The following MNS1 variants were observed in gnomAD, a reference collection of about 807,000 sequenced individuals.
The protein encoded by MNS1 is meiosis specific nuclear structural 1, also known as meiosis-specific nuclear structural protein 1.
MNS1 carries 63 observed loss-of-function variants against 72.0 expected under a neutral mutation model. That is an observed-to-expected ratio of 0.87 (90% CI 0.71 to 1.08). MNS1 has a LOEUF of 1.08. Among genes scored for constraint, MNS1 ranks in the 50% least tolerant of loss-of-function variants. The pLI is 0.00. For missense variants in MNS1, 604 were observed against 562.4 expected, an observed-to-expected ratio of 1.07 and a Z score of -0.75; for synonymous variants, 188 against 172.1, an observed-to-expected ratio of 1.09 and a Z score of -0.72.
intron 7 of MNS1, among the ~76,000 whole-genome samples, chr15:56,442,435 A>G (rs749619284): frequency 8.6e-4 from 131 of 152,348 alleles, no homozygotes; most frequent in Non-Finnish European, 1.4e-3. Flanking sequence ...TGACACATGC[A>G]TGTGTGTATT....
chr15:56,456,344 G>A (rs779857786), intron 3 of MNS1, 50 bp downstream of exon 3: 3 of 1,535,680 alleles, frequency 2.0e-6, no homozygotes. Context: ...GATTACATAA[G>A]AGTTTAAAGA....
intron 2 of MNS1, among the ~76,000 whole-genome samples, chr15:56,463,606 A>AC (rs2051036738): frequency 6.6e-6 from 1 of 151,968 alleles, no homozygotes; most frequent in Non-Finnish European, 1.5e-5. Flanking sequence ...ATATGGTGAA[A>AC]CCCCGTCTCT....
intron 1 of MNS1, among the ~76,000 whole-genome samples, chr15:56,464,662 TA>T (rs1209720149): frequency 3.9e-5 from 6 of 152,140 alleles, no homozygotes; most frequent in African/African-American, 1.4e-4. Flanking sequence ...AACATAAATG[TA>T]ATAGGTCAAT....
chr15:56,436,883 C>T (rs1246537723), intron 7 of MNS1, among the ~76,000 whole-genome samples: 1 of 152,280 alleles, frequency 6.6e-6, no homozygotes, highest in African/African-American at 2.4e-5. Context: ...GACACATACA[C>T]CCTCCCAAGA....
chr15:56,456,338 A>G, intron 3 of MNS1, 56 bp downstream of exon 3: 5 of 1,519,246 alleles, frequency 3.3e-6, no homozygotes, highest in Non-Finnish European at 4.4e-6. Context: ...GCTAAGGATT[A>G]CATAAGAGTT....
intron 2 of MNS1, among the ~76,000 whole-genome samples, chr15:56,457,628 C>T (rs1210454194): frequency 2.0e-5 from 3 of 152,066 alleles, no homozygotes; most frequent in Non-Finnish European, 4.4e-5. Flanking sequence ...TTGAGACCAG[C>T]CTGGGCAACA....
In MNS1 at chr15:56,446,910, T is replaced by C. The variant is rs570420530; in HGVS notation, c.387A>G (p.Lys129=). The change falls in exon 4 of 10, where the codon AAA becomes AAG. Residue 129 remains lysine, a synonymous_variant. Transcript: ENST00000260453. The stretch of plus-strand genomic sequence containing the variant: ...CCCTTTCTTTATTCATGTAAGCTGC[T>C]TTTAATTTCTTCTCCAATTCTCTAA... ...IELRELEKKL[K]AAYMNKERAA... is the part of the protein sequence containing the mutation. The C allele has an allele frequency of 1.2e-6, 2 of 1,609,706 alleles. No homozygotes were observed. The highest frequency in any genetic ancestry group is 1.7e-6 in the Non-Finnish European group (2 of 1,179,090).
At chr15:56,451,349 A>G (rs1281645071) in intron 3 of MNS1, among the ~76,000 whole-genome samples, 3 of 152,242 alleles carry the variant, frequency 2.0e-5, no homozygotes, top group African/African-American at 7.2e-5. Flanking sequence ...GAATGAGGAA[A>G]GGGCAAGTGA....
intron 2 of MNS1, among the ~76,000 whole-genome samples, chr15:56,457,781 C>T (rs2050990667): frequency 6.6e-6 from 1 of 151,690 alleles, no homozygotes; most frequent in Admixed American, 6.6e-5. Flanking sequence ...TGCCACTGCA[C>T]TCCAGCTGGG....
chr15:56,435,488 A>C (rs548212797), intron 7 of MNS1, among the ~76,000 whole-genome samples: 10 of 152,178 alleles, frequency 6.6e-5, no homozygotes, highest in Non-Finnish European at 1.0e-4. Flanking sequence ...AAAACATAGG[A>C]TATCACTAGA....
chr15:56,433,844 A>G (rs1475706511), intron 8 of MNS1, among the ~76,000 whole-genome samples: 3 of 152,158 alleles, frequency 2.0e-5, no homozygotes, highest in African/African-American at 4.8e-5. Context: ...TGTACATGAC[A>G]TATTTATAAT....
intron 9 of MNS1, among the ~76,000 whole-genome samples, chr15:56,430,958 C>G (rs1395563411): frequency 1.3e-5 from 2 of 152,110 alleles, no homozygotes; most frequent in African/African-American, 4.8e-5. Context: ...GCCAAGAGTT[C>G]AAGACCAGCC....
At chr15:56,463,103 T>C (rs1277962849) in intron 2 of MNS1, among the ~76,000 whole-genome samples, 2 of 152,200 alleles carry the variant, frequency 1.3e-5, no homozygotes, top group African/African-American at 4.8e-5. Flanking sequence ...CATATCAGAA[T>C]ACCTTTTATA....
At position 56,443,744 on chromosome 15, in the gene MNS1, T is replaced by G; in HGVS notation, c.797A>C (p.Glu266Ala). The stretch of plus-strand genomic sequence containing the variant: ...AGCAAACTCTATGATTTTTCTGTTT[T>G]CTTCTTCCATCTCCTCACGTTTCTT... Reference protein sequence around the residue: ...RKKKREEMEEENRKIIEFANM... With the variant: ...RKKKREEMEEANRKIIEFANM... Residue 266 changes from glutamate to alanine, a missense_variant, in exon 6 of 10, where the codon GAA becomes GCA. By Grantham distance (107) the Glu-to-Ala change is moderately radical. Coordinates refer to ENST00000260453, the MANE Select transcript of MNS1 (RefSeq NM_018365.4). 6.2e-7 allele frequency: 1 copy of G among 1,613,396 alleles called. No homozygotes were observed. The highest frequency in any genetic ancestry group is 8.5e-7 in the Non-Finnish European group (1 of 1,179,768).
In MNS1 at chr15:56,431,409, T is replaced by G. The variant is rs752817852; in HGVS notation, c.1359A>C (p.Lys453Asn). The G allele has an allele frequency of 6.2e-7, 1 of 1,613,476 alleles. No individual in the cohort carries two copies. Residue 453 changes from lysine to asparagine, a missense_variant, in exon 9 of 10, where the codon AAA (lysine) becomes AAC (asparagine). Coordinates refer to ENST00000260453, the MANE Select transcript of MNS1 (RefSeq NM_018365.4). ...IIEEERLKLL[K>N]EHATNLLGYL... ...AGCCTAGTAAGTTTGTAGCATGCTCTTTAAGAAGTTTTAGCCTTTCTTCTT... is the reference window on the plus strand; with the variant it reads ...AGCCTAGTAAGTTTGTAGCATGCTCGTTAAGAAGTTTTAGCCTTTCTTCTT...
At chr15:56,457,138 C>T (rs533666044) in intron 2 of MNS1, among the ~76,000 whole-genome samples, 1 of 152,174 alleles carries the variant, frequency 6.6e-6, no homozygotes, top group Admixed American at 6.5e-5. Context: ...CCTCTACACA[C>T]ATTTTTCCCC....
intron 5 of MNS1, among the ~76,000 whole-genome samples, 173 bp downstream of exon 5, chr15:56,444,271 T>C (rs865987070): frequency 1.4e-4 from 22 of 152,180 alleles, no homozygotes; most frequent in African/African-American, 4.6e-4. Flanking sequence ...ATTTATTAAT[T>C]ATGCTAACGG....
At chr15:56,439,790 A>T (rs2050788226) in intron 7 of MNS1, among the ~76,000 whole-genome samples, 1 of 151,626 alleles carries the variant, frequency 6.6e-6, no homozygotes, top group Admixed American at 6.6e-5. Context: ...ACACACACAC[A>T]CACAAACCTT....
intron 7 of MNS1, among the ~76,000 whole-genome samples, chr15:56,435,836 C>G (rs140713985): frequency 6.6e-6 from 1 of 151,894 alleles, no homozygotes; most frequent in Non-Finnish European, 1.5e-5. Flanking sequence ...AGTATTACCC[C>G]GCTACCAATA....
Sources: allele counts gnomAD v4.1 joint callset (sites outside exome capture counted in the v4.1 genomes callset), GRCh38; gene constraint gnomAD v4.1.1; transcripts MANE v1.5; gene names NCBI Gene and HGNC (gene_info 2026-07-23, HGNC 2026-07-21).